Variants in SEMA3E observed in about 807,000 individuals in gnomAD.
SEMA3E encodes the protein semaphorin 3E, also known as semaphorin-3E.
SEMA3E carries 49 observed loss-of-function variants against 93.6 expected under a neutral mutation model. The ratio of observed to expected loss-of-function variants is 0.52; its 90% CI spans 0.42 to 0.66. The LOEUF is 0.66. Ranked by LOEUF, SEMA3E falls within the 30% of genes least tolerant of loss-of-function variation. SEMA3E has a pLI of 0.00. For synonymous variants in SEMA3E, 363 were observed against 330.7 expected, an observed-to-expected ratio of 1.10 and a Z score of -1.06; for missense variants, 906 against 964.8, an observed-to-expected ratio of 0.94 and a Z score of 0.81.
intron 1 of SEMA3E, among the ~76,000 whole-genome samples, chr7:83,540,135 G>A (rs6968787): frequency 0.02 from 3,048 of 152,150 alleles, 36 homozygotes; most frequent in Middle Eastern, 0.031. Flanking sequence ...CACCCTCGTC[G>A]GCCTTGCAAA....
chr7:83,373,182 A>G (rs758853898), intron 16 of SEMA3E: 4 of 152,168 alleles, frequency 2.6e-5, no homozygotes, highest in Non-Finnish European at 2.9e-5. Flanking sequence ...AACTCTGAAC[A>G]TCTGGTAGCT....
intron 16 of SEMA3E, among the ~76,000 whole-genome samples, chr7:83,378,342 CAT>C (rs1282327629): frequency 2.6e-5 from 4 of 152,048 alleles, no homozygotes; most frequent in Admixed American, 6.6e-5. Flanking sequence ...TTCTCTCCCA[CAT>C]GTTCTTTATT....
At chr7:83,625,058 G>A (rs1793642836) in intron 1 of SEMA3E, among the ~76,000 whole-genome samples, 1 of 152,010 alleles carries the variant, frequency 6.6e-6, no homozygotes, top group Admixed American at 6.6e-5. Context: ...TATTTCTGAG[G>A]CCTCTGTTCT....
chr7:83,503,386 A>G (rs1790635767), intron 1 of SEMA3E, among the ~76,000 whole-genome samples: 1 of 152,172 alleles, frequency 6.6e-6, no homozygotes, highest in African/African-American at 2.4e-5. Flanking sequence ...AACTATACAA[A>G]GCATCTCTAG....
chr7:83,638,131 C>T (rs1793918294), intron 1 of SEMA3E, among the ~76,000 whole-genome samples: 1 of 152,178 alleles, frequency 6.6e-6, no homozygotes, highest in African/African-American at 2.4e-5. Context: ...TCTATGATAA[C>T]ATAGCATCCT....
At chr7:83,381,042 C>G (rs1271559915) in intron 16 of SEMA3E, among the ~76,000 whole-genome samples, 1 of 151,916 alleles carries the variant, frequency 6.6e-6, no homozygotes, top group Non-Finnish European at 1.5e-5. Context: ...CTGTGTGTTC[C>G]TATCACCTCA....
chr7:83,540,128 C>A (rs1244739838), intron 1 of SEMA3E, among the ~76,000 whole-genome samples: 1 of 152,124 alleles, frequency 6.6e-6, no homozygotes, highest in Non-Finnish European at 1.5e-5. Flanking sequence ...GTTGATCCAC[C>A]CTCGTCGGCC....
At chr7:83,414,881 A>C (rs998417320) in intron 5 of SEMA3E, among the ~76,000 whole-genome samples, 6 of 152,096 alleles carry the variant, frequency 3.9e-5, no homozygotes, top group Non-Finnish European at 8.8e-5. Flanking sequence ...TAATACAACT[A>C]TGGGTCAGAA....
intron 1 of SEMA3E, among the ~76,000 whole-genome samples, chr7:83,521,926 C>T (rs1791058852): frequency 6.6e-6 from 1 of 152,076 alleles, no homozygotes; most frequent in Non-Finnish European, 1.5e-5. Context: ...GGCACTTTTA[C>T]AAAAATTAAG....
chr7:83,365,144 T>G lies in SEMA3E; in HGVS notation c.*2442A>C, dbSNP rs1481862537. ...GATTTATTTTATAGTATGTGAGGGG[T>G]GTGTGTGTGTGTGTGTTGGGAGAGA... is the stretch of plus-strand genomic sequence containing the variant. On this transcript the variant is annotated 3_prime_UTR_variant, in exon 17 of 17. Transcript: ENST00000643230. 2 of 150,040 alleles carry G rather than the reference T, an allele frequency of 1.3e-5. No individual in the cohort carries two copies. The highest frequency in any genetic ancestry group is 3.0e-5 in the Non-Finnish European group (2 of 67,320). 9.3% of individuals were successfully genotyped at this position (150,040 alleles called of 1,614,324 possible). A position where few individuals can be genotyped will look rare whatever the true frequency, so the allele number is the denominator to read the frequency against.
chr7:83,458,953 A>ATGTGTG (rs1554328012), intron 4 of SEMA3E, among the ~76,000 whole-genome samples: 2 of 143,888 alleles, frequency 1.4e-5, no homozygotes, highest in African/African-American at 2.6e-5. Flanking sequence ...ACATATGTAT[A>ATGTGTG]TGTGTGTGTG....
chr7:83,500,380 G>A (rs1212703910), intron 1 of SEMA3E, among the ~76,000 whole-genome samples: 1 of 152,044 alleles, frequency 6.6e-6, no homozygotes, highest in African/African-American at 2.4e-5. Flanking sequence ...AGGTTGCAGT[G>A]AGCTGAGATC....
chr7:83,475,663 T>TAATA (rs1173899734), intron 2 of SEMA3E, among the ~76,000 whole-genome samples: 4 of 151,986 alleles, frequency 2.6e-5, no homozygotes, highest in East Asian at 1.9e-4. Flanking sequence ...GTGCCATGAG[T>TAATA]AATAGTCTTT....
chr7:83,608,228 A>G (rs996590627), intron 1 of SEMA3E, among the ~76,000 whole-genome samples: 45 of 152,070 alleles, frequency 3.0e-4, no homozygotes, highest in African/African-American at 1.0e-3. Flanking sequence ...AAAGAAAAAA[A>G]AAGATTATTT....
At chr7:83,584,044 T>C (rs1669815024) in intron 1 of SEMA3E, among the ~76,000 whole-genome samples, 1 of 152,172 alleles carries the variant, frequency 6.6e-6, no homozygotes, top group African/African-American at 2.4e-5. Flanking sequence ...AGGTAATAAA[T>C]GTTCTTGTTT....
intron 3 of SEMA3E, among the ~76,000 whole-genome samples, chr7:83,468,923 G>C (rs902512262): frequency 1.3e-5 from 2 of 148,292 alleles, no homozygotes; most frequent in African/African-American, 2.5e-5. Context: ...ACTGTTCCTA[G>C]AAAAAAAAAA....
chr7:83,524,046 T>C (rs1173124786), intron 1 of SEMA3E, among the ~76,000 whole-genome samples: 2 of 152,162 alleles, frequency 1.3e-5, no homozygotes, highest in African/African-American at 2.4e-5. Context: ...ATTTAAATAT[T>C]GTTATCTACT....
At chr7:83,508,234 T>C (rs1451478368) in intron 1 of SEMA3E, among the ~76,000 whole-genome samples, 1 of 151,902 alleles carries the variant, frequency 6.6e-6, no homozygotes, top group Admixed American at 6.6e-5. Context: ...ATTAACTAAA[T>C]GATTGATTGA....
At chr7:83,492,421 CCTA>C (rs1449811723) in intron 1 of SEMA3E, among the ~76,000 whole-genome samples, 2 of 151,914 alleles carry the variant, frequency 1.3e-5, no homozygotes, top group Non-Finnish European at 2.9e-5. Context: ...TACCAATTTG[CCTA>C]CTTTCTAAGT....
Sources: gnomAD v4.1 joint callset for allele counts (sites outside exome capture counted in the v4.1 genomes callset) on GRCh38, gnomAD v4.1.1 for gene constraint, MANE v1.5 for transcripts, NCBI Gene and HGNC (gene_info 2026-07-23, HGNC 2026-07-21) for gene names.